Variants in ARHGAP27 observed in about 807,000 individuals in gnomAD.
ARHGAP27 encodes the protein rho GTPase-activating protein 27.
ARHGAP27 carries 53 observed loss-of-function variants against 102.0 expected under a neutral mutation model. That is an observed-to-expected ratio of 0.52 (90% CI 0.42 to 0.65). ARHGAP27 has a LOEUF of 0.65. Among genes scored for constraint, ARHGAP27 ranks in the 30% least tolerant of loss-of-function variants. The pLI is 0.00. For missense variants in ARHGAP27, 1,117 were observed against 1,256.2 expected (o/e 0.89, Z 1.68); for synonymous variants, 525 against 542.8 (o/e 0.97, Z 0.46).
Position 45,395,735 on chromosome 17 carries a change from C to G in ARHGAP27, c.2492+9G>C, listed in dbSNP as rs776768269. On this transcript the variant is annotated intron_variant, in intron 19 of 19. Transcript: ENST00000685559. ...GCCTCCCCCTTCCCGCGCGGGCCGC[C>G]CGGCTCACCGGCAGAGGTGCTGGAA... is the stretch of plus-strand genomic sequence containing the variant. 1.1e-5 allele frequency: 17 copies of G among 1,584,626 alleles called. No individual in the cohort carries two copies. The highest frequency in any genetic ancestry group is 1.1e-5 in the Non-Finnish European group (13 of 1,169,892).
At chr17:45,410,317 G>A (rs2047760335) in intron 4 of ARHGAP27, 1 of 1,494,126 alleles carries the variant, frequency 6.7e-7, no homozygotes, top group Non-Finnish European at 8.9e-7. Flanking sequence ...CCGGGACAGA[G>A]CCCTGGGAAG....
chr17:45,396,777 C>T lies in ARHGAP27; in HGVS notation c.1965G>A (p.Leu655=), dbSNP rs755994713. 28 of 1,612,208 alleles carry T rather than the reference C, an allele frequency of 1.7e-5. No homozygotes were observed. The highest frequency in any genetic ancestry group is 8.5e-7 in the Non-Finnish European group (1 of 1,179,110). ...DARPNAAAPA[L]GPVGLESDLS... ...AGTCGCTCTCCAGGCCCACGGGGCC[C>T]AGGGCGGGCGCGGCTGCCGCGGGGA... The change falls in exon 15 of 20, where the codon CTG becomes CTA. Residue 655 remains leucine, a synonymous_variant. Coordinates refer to ENST00000685559, the MANE Select transcript of ARHGAP27 (RefSeq NM_001282290.2).
chr17:45,402,882 G>T, intron 11 of ARHGAP27, 64 bp from the exon 12 acceptor site: 1 of 1,397,522 alleles, frequency 7.2e-7, no homozygotes, highest in South Asian at 1.2e-5. Flanking sequence ...GTGGCACTCT[G>T]ACCCTAGGAA....
chr17:45,425,062 G>A (rs932732589), intron 4 of ARHGAP27, among the ~76,000 whole-genome samples: 10 of 148,190 alleles, frequency 6.7e-5, no homozygotes, highest in African/African-American at 2.5e-4. Context: ...AATGTGGGGT[G>A]AGGGTGGGAG....
rs534837016 is a variant in ARHGAP27, at chr17:45,404,851, G to C, written c.1248+73C>G. ...TGGGAGCTGCGGTTTAGAGCACTGA[G>C]GCGACCTATTAGTGAGGAAGGTTGT... On this transcript the variant is annotated intron_variant, in intron 6 of 19. Coordinates refer to ENST00000685559, the MANE Select transcript of ARHGAP27 (RefSeq NM_001282290.2). 6.2e-4 allele frequency: 994 copies of C among 1,604,382 alleles called. 13 individuals are homozygous for C. The South Asian group carries it at 8.7e-3, about 14-fold the overall frequency.
chr17:45,427,977 T>C lies in ARHGAP27; in HGVS notation c.657+1646A>G, dbSNP rs542747944. Among the ~76,000 whole-genome samples, 6 of 152,322 alleles carry C rather than the reference T, an allele frequency of 3.9e-5. No individual in the cohort carries two copies. The South Asian group carries it at 1.2e-3, about 32-fold the overall frequency. On this transcript the variant is annotated intron_variant, in intron 4 of 19. Transcript: ENST00000685559. The surrounding 1 kb of genome is among the most constrained non-coding windows in gnomAD (Gnocchi z 4.5). ...CTCCTTCCTCTTTGGTCCTGGGGCC[T>C]GGGGTGTTGGCCCTTGCAGACCTAC...
In ARHGAP27 at chr17:45,395,384, C is replaced by G; in HGVS notation, c.*72G>C. The G allele has an allele frequency of 6.7e-7, 1 of 1,487,030 alleles. No individual in the cohort carries two copies. The highest frequency in any genetic ancestry group is 1.3e-5 in the South Asian group (1 of 74,962). The allele number at this position is 1,487,030 out of a possible 1,614,324, so 92.1% of individuals were successfully genotyped here. On this transcript the variant is annotated 3_prime_UTR_variant, in exon 20 of 20. Transcript: ENST00000685559. Reference sequence around the variant, plus strand: ...CGGAGGGTCCCAGAGAGAAGAAGGCCCGGCTGCGTGGCCTCCGCCGCCCAG... The same window carrying G: ...CGGAGGGTCCCAGAGAGAAGAAGGCGCGGCTGCGTGGCCTCCGCCGCCCAG...
chr17:45,410,207 A>T, intron 4 of ARHGAP27: 1 of 1,532,796 alleles, frequency 6.5e-7, no homozygotes, highest in Non-Finnish European at 8.7e-7. Context: ...CCCACCGGGC[A>T]CCCCTTGACC....
At chr17:45,417,883 C>T (rs1051460309) in intron 4 of ARHGAP27, among the ~76,000 whole-genome samples, 2 of 152,010 alleles carry the variant, frequency 1.3e-5, no homozygotes, top group African/African-American at 4.8e-5. Flanking sequence ...GAAACCCCGT[C>T]TCTACTAAAA....
intron 4 of ARHGAP27, among the ~76,000 whole-genome samples, chr17:45,424,126 G>A (rs1438548236): frequency 6.6e-6 from 1 of 152,166 alleles, no homozygotes; most frequent in African/African-American, 2.4e-5. Context: ...CCTCACAGGG[G>A]ACCCCCAGCC....
rs1006525408 is a variant in ARHGAP27 at position 45,411,834 on chromosome 17, G to A, written c.658-5751C>T. ...ACACACACACACTACACACGTGTGC[G>A]TGCATATGACAGGTCACCAAGGGTT... On this transcript the variant is annotated intron_variant, in intron 4 of 19. Coordinates refer to ENST00000685559, the MANE Select transcript of ARHGAP27 (RefSeq NM_001282290.2). Among the ~76,000 whole-genome samples the A allele has an allele frequency of 7.2e-5, 11 of 151,752 alleles. 1 individual carries two copies. The highest frequency in any genetic ancestry group is 5.9e-4 in the Admixed American group (9 of 15,260).
chr17:45,428,516 G>A (rs1379150580), intron 4 of ARHGAP27, among the ~76,000 whole-genome samples: 4 of 152,234 alleles, frequency 2.6e-5, no homozygotes, highest in Non-Finnish European at 4.4e-5. Flanking sequence ...CAAAACCTGA[G>A]CTCTGCATTG....
intron 4 of ARHGAP27, among the ~76,000 whole-genome samples, chr17:45,411,088 C>T (rs1412577963): frequency 6.6e-6 from 1 of 152,078 alleles, no homozygotes; most frequent in East Asian, 1.9e-4. Flanking sequence ...CGTGCCTGTC[C>T]CCTCCTCTCT....
intron 16 of ARHGAP27, 84 bp from the exon 17 acceptor site, chr17:45,396,368 G>A: frequency 6.8e-7 from 1 of 1,479,810 alleles, no homozygotes; most frequent in Non-Finnish European, 9.0e-7. Flanking sequence ...TCCCACTCGG[G>A]GCCTCCCGTA....
In ARHGAP27 at chr17:45,404,114, G is replaced by C. The variant is rs745741519; in HGVS notation, c.1480-18C>G. On this transcript the variant is annotated intron_variant, in intron 9 of 19. Transcript: ENST00000685559. ...GTCTTGGTCTAAGAGAGAGAAGAGA[G>C]AGCAGGCGCAAGAGTGTGTAGTTAA... is the stretch of plus-strand genomic sequence containing the variant. The C allele has an allele frequency of 6.2e-7, 1 of 1,614,052 alleles. No individual in the cohort carries two copies. Among genetic ancestry groups the C allele is most frequent in the African/African-American group, 1.3e-5 (1 of 75,036 alleles).
intron 4 of ARHGAP27, among the ~76,000 whole-genome samples, chr17:45,421,498 A>G (rs2049035167): frequency 6.6e-6 from 1 of 152,108 alleles, no homozygotes; most frequent in South Asian, 2.1e-4. Context: ...TAAAAAATAA[A>G]GAAACAATAA....
chr17:45,397,292 C>T (rs1034116481), intron 13 of ARHGAP27: 11 of 1,345,498 alleles, frequency 8.2e-6, no homozygotes, highest in African/African-American at 1.5e-5. Flanking sequence ...GACTCCTACC[C>T]ACCTGGTGCC....
Position 45,427,932 on chromosome 17 carries a change from G to A in ARHGAP27, c.657+1691C>T, listed in dbSNP as rs2049772266. 6.6e-6 allele frequency among the ~76,000 whole-genome samples: 1 copy of A among 152,224 alleles called. No individual in the cohort carries two copies. Among genetic ancestry groups the A allele is most frequent in the Admixed American group, 6.5e-5 (1 of 15,286 alleles). ...GCCGGGGTGATCTGTCTTCTCAGGA[G>A]ATGTCAGGACCTGGGCAGTCTCCTT... is the stretch of plus-strand genomic sequence containing the variant. On this transcript the variant is annotated intron_variant, in intron 4 of 19. Coordinates refer to ENST00000685559, the MANE Select transcript of ARHGAP27 (RefSeq NM_001282290.2). The surrounding 1 kb of genome is among the most constrained non-coding windows in gnomAD (Gnocchi z 4.5).
At chr17:45,398,079 G>C (rs1169896712) in intron 12 of ARHGAP27, 32 bp from the exon 13 acceptor site, 2 of 1,566,242 alleles carry the variant, frequency 1.3e-6, no homozygotes, top group South Asian at 2.3e-5. Context: ...GGTCATCTCT[G>C]GTACCCTGGG....
Sources: gnomAD v4.1 joint callset for allele counts (sites outside exome capture counted in the v4.1 genomes callset) on GRCh38, gnomAD v4.1.1 for gene constraint, Gnocchi (gnomAD v3.1) non-coding constraint, MANE v1.5 for transcripts, NCBI Gene and HGNC (gene_info 2026-07-23, HGNC 2026-07-21) for gene names.